Variants in NXPE4 observed in about 807,000 individuals in gnomAD.
The protein encoded by NXPE4 is neurexophilin and PC-esterase domain family member 4.
A neutral mutation model predicts 33.3 loss-of-function variants in NXPE4; 42 were observed. The observed-to-expected ratio is 1.26, with a 90% CI of 0.98 to 1.63. NXPE4 has a LOEUF of 1.63. Among genes scored for constraint, NXPE4 ranks in the 40% most tolerant of loss-of-function variants. The pLI, the probability that NXPE4 is intolerant of heterozygous loss-of-function variation, is 0.00. For missense variants in NXPE4, 709 were observed against 647.6 expected (o/e 1.09, Z -1.03); for synonymous variants, 253 against 234.9 (o/e 1.08, Z -0.71).
At chr11:114,600,062 G>A (rs149617583), upstream of NXPE4, among the ~76,000 whole-genome samples, 707 of 152,222 alleles carry the variant, frequency 4.6e-3, 14 homozygotes, top group African/African-American at 0.016. Flanking sequence ...GTGAGCATTA[G>A]AACTCTTCAG....
At chr11:114,677,122 G>A in the NXPE4 span, among the ~76,000 whole-genome samples, 1 of 152,046 alleles carries the variant, frequency 6.6e-6, no homozygotes, top group Non-Finnish European at 1.5e-5. Flanking sequence ...TGGTCAGGGA[G>A]AGGGGCAAAT....
chr11:114,658,212 G>A, the NXPE4 span, among the ~76,000 whole-genome samples: 1 of 152,196 alleles, frequency 6.6e-6, no homozygotes, highest in Non-Finnish European at 1.5e-5. Flanking sequence ...GAAAGGCAGA[G>A]CAGAAAGAAC....
Position 114,570,944 on chromosome 11 carries a change from A to C in NXPE4, c.1629T>G (p.Ile543Met), listed in dbSNP as rs1948869740. Residue 543 changes from isoleucine (I) to methionine (M), a missense_variant, in exon 6 of 6, where the codon ATT becomes ATG. Coordinates refer to ENST00000375478, the MANE Select transcript of NXPE4 (RefSeq NM_001077639.2). Reference protein sequence around the residue: ...GNQINILLNYIC With the variant: ...GNQINILLNYMC ...TTTCAGACTTTTGTGTTATTTAACA[A>C]ATATAGTTTAATAATATATTAATCT... 1.3e-5 allele frequency: 21 copies of C among 1,571,774 alleles called. No individual in the cohort carries two copies. Among genetic ancestry groups the C allele is most frequent in the Non-Finnish European group, 1.8e-5 (21 of 1,158,088 alleles).
the NXPE4 span, among the ~76,000 whole-genome samples, chr11:114,606,896 C>T: frequency 6.6e-6 from 1 of 151,928 alleles, no homozygotes; most frequent in Non-Finnish European, 1.5e-5. Context: ...CATGGGTAAC[C>T]ACTGTTACCC....
At chr11:114,652,310 C>T in the NXPE4 span, among the ~76,000 whole-genome samples, 3 of 152,204 alleles carry the variant, frequency 2.0e-5, no homozygotes, top group African/African-American at 7.2e-5. Flanking sequence ...CTGTTCCTTC[C>T]TACCCCTTTG....
At chr11:114,602,286 G>T in the NXPE4 span, among the ~76,000 whole-genome samples, 1 of 111,884 alleles carries the variant, frequency 8.9e-6, no homozygotes, top group African/African-American at 3.8e-5. Flanking sequence ...CTATATATAT[G>T]TTATCTATAA....
chr11:114,614,538 C>T, the NXPE4 span, among the ~76,000 whole-genome samples: 1 of 151,520 alleles, frequency 6.6e-6, no homozygotes, highest in East Asian at 2.0e-4. Context: ...ACCAGTGTTA[C>T]CCAGTGGATA....
chr11:114,648,995 T>A, the NXPE4 span, among the ~76,000 whole-genome samples: 1,550 of 152,310 alleles, frequency 0.01, 21 homozygotes, highest in African/African-American at 0.035. Flanking sequence ...TATATTTTTA[T>A]ACAAAAATAA....
the NXPE4 span, among the ~76,000 whole-genome samples, chr11:114,634,662 A>T: frequency 6.6e-6 from 1 of 152,064 alleles, no homozygotes; most frequent in African/African-American, 2.4e-5. Flanking sequence ...GAAGGGATCC[A>T]GTTTCAGCTT....
At chr11:114,578,794 G>A (rs146449944) in intron 5 of NXPE4, among the ~76,000 whole-genome samples, 190 of 152,214 alleles carry the variant, frequency 1.2e-3, no homozygotes, top group South Asian at 1.9e-3. Flanking sequence ...GTGCGCTCTT[G>A]GTTTAGTAAA....
chr11:114,621,962 A>C, the NXPE4 span, among the ~76,000 whole-genome samples: 1 of 152,118 alleles, frequency 6.6e-6, no homozygotes, highest in Non-Finnish European at 1.5e-5. Context: ...TGTGGATAAT[A>C]AGTATGGCCT....
chr11:114,585,563 A>G (rs533308704), intron 2 of NXPE4, among the ~76,000 whole-genome samples: 2 of 152,306 alleles, frequency 1.3e-5, no homozygotes, highest in African/African-American at 2.4e-5. Flanking sequence ...AAAGAGATCA[A>G]TTCATCAAGA....
At chr11:114,590,609 G>C (rs2135279428) in intron 2 of NXPE4, among the ~76,000 whole-genome samples, 1 of 152,290 alleles carries the variant, frequency 6.6e-6, no homozygotes, top group East Asian at 1.9e-4. Context: ...CAGCCCCTCT[G>C]TAGGGAGGGC....
chr11:114,613,004 T>C, the NXPE4 span, among the ~76,000 whole-genome samples: 1 of 150,880 alleles, frequency 6.6e-6, no homozygotes, highest in African/African-American at 2.4e-5. Context: ...AATGGATAAT[T>C]AGTGTTGCCT....
the NXPE4 span, among the ~76,000 whole-genome samples, chr11:114,656,990 AG>A: frequency 5.9e-5 from 9 of 152,146 alleles, no homozygotes; most frequent in Non-Finnish European, 1.3e-4. Context: ...GCTACTCTGG[AG>A]GCTGAGGCAG....
chr11:114,607,265 A>T, the NXPE4 span, among the ~76,000 whole-genome samples: 2 of 150,500 alleles, frequency 1.3e-5, no homozygotes, highest in Non-Finnish European at 3.0e-5. Flanking sequence ...GTGTTGCCTC[A>T]TGGGTAACCA....
chr11:114,626,276 G>T, the NXPE4 span, among the ~76,000 whole-genome samples: 2 of 152,224 alleles, frequency 1.3e-5, no homozygotes, highest in African/African-American at 2.4e-5. Flanking sequence ...AAATGTCCCA[G>T]TCTGACAGCT....
intron 2 of NXPE4, among the ~76,000 whole-genome samples, chr11:114,591,251 A>G (rs933338668): frequency 6.6e-6 from 1 of 152,242 alleles, no homozygotes; most frequent in African/African-American, 2.4e-5. Flanking sequence ...AGCAAGGGAA[A>G]GGTAGCTAAC....
At chr11:114,644,787 G>C in the NXPE4 span, among the ~76,000 whole-genome samples, 1 of 151,152 alleles carries the variant, frequency 6.6e-6, no homozygotes, top group African/African-American at 2.4e-5. Flanking sequence ...ATCTGCAGAG[G>C]ATGAAAATAA....
Sources: gnomAD v4.1 joint callset for allele counts (sites outside exome capture counted in the v4.1 genomes callset) on GRCh38, gnomAD v4.1.1 for gene constraint, MANE v1.5 for transcripts, NCBI Gene and HGNC (gene_info 2026-07-23, HGNC 2026-07-21) for gene names.